The following RNF170 variants were observed in gnomAD, a reference collection of about 807,000 sequenced individuals.
RNF170 encodes ring finger protein 170.
Under a neutral mutation model 32.7 loss-of-function variants are expected in RNF170, and 12 were observed. The ratio of observed to expected loss-of-function variants is 0.37; its 90% CI spans 0.24 to 0.60. The LOEUF (loss-of-function observed/expected upper bound fraction) is 0.60, where lower values mean the gene tolerates loss of function less well. Ranked by LOEUF, RNF170 falls within the 20% of genes least tolerant of loss-of-function variation. The pLI, the probability that RNF170 is intolerant of heterozygous loss-of-function variation, is 0.72. For missense variants in RNF170, 212 were observed against 311.2 expected (o/e 0.68, Z 2.40); for synonymous variants, 91 against 103.6 (o/e 0.88, Z 0.74).
At chr8:42,862,107 G>C (rs923227495) in intron 5 of RNF170, among the ~76,000 whole-genome samples, 10 of 152,140 alleles carry the variant, frequency 6.6e-5, no homozygotes, top group South Asian at 2.1e-4. Flanking sequence ...CACACCAGGG[G>C]TAAATTCCTT....
chr8:42,860,892 ATTTTTAG>A (rs1384323866), intron 6 of RNF170, among the ~76,000 whole-genome samples: 1 of 151,700 alleles, frequency 6.6e-6, no homozygotes, highest in African/African-American at 2.4e-5. Context: ...TAATTTTTGT[ATTTTTAG>A]TAGAGACAGG....
At chr8:42,896,311 G>C (rs756731295) in intron 1 of RNF170, 173 bp downstream of exon 1, 5 of 366,842 alleles carry the variant, frequency 1.4e-5, no homozygotes, top group Non-Finnish European at 2.1e-5. Context: ...GGACAGCCGC[G>C]GGGCGATTCT....
At chr8:42,850,757 C>T (rs1166940251), downstream of RNF170, 8 of 1,551,418 alleles carry the variant, frequency 5.2e-6, no homozygotes, top group Non-Finnish European at 7.0e-6. Flanking sequence ...TTTGCACTGC[C>T]TACTTTTGGG....
chr8:42,854,323 C>T lies in RNF170; in HGVS notation c.*1836G>A. On this transcript the variant is annotated 3_prime_UTR_variant, in exon 7 of 7. Transcript: ENST00000527424. ...CTATCTAAACATTCTATGCAGGAGT[C>T]CTACTAAGAAATTTTGGTGTAATGC... The T allele has an allele frequency of 7.8e-7, 1 of 1,287,150 alleles. No homozygotes were observed. The highest frequency in any genetic ancestry group is 1.2e-5 in the South Asian group (1 of 80,932). The allele number at this position is 1,287,150 out of a possible 1,614,324, so 79.7% of individuals were successfully genotyped here. A position where few individuals can be genotyped will look rare whatever the true frequency, so the allele number is the denominator to read the frequency against.
At chr8:42,879,829 C>T (rs1399606424) in intron 2 of RNF170, among the ~76,000 whole-genome samples, 1 of 151,942 alleles carries the variant, frequency 6.6e-6, no homozygotes, top group Non-Finnish European at 1.5e-5. Flanking sequence ...TGTGTGCCAC[C>T]GTGCCTGGCT....
In RNF170 at chr8:42,896,577, C is replaced by G; in HGVS notation, c.-101G>C. 4.4e-6 allele frequency: 2 copies of G among 453,956 alleles called. No homozygotes were observed. Among genetic ancestry groups the G allele is most frequent in the Non-Finnish European group, 8.8e-6 (2 of 226,740 alleles). The allele number at this position is 453,956 out of a possible 1,614,324, so 28.1% of individuals were successfully genotyped here. A position where few individuals can be genotyped will look rare whatever the true frequency, so the allele number is the denominator to read the frequency against. ...CCCGCCACCCCTCCCGGGCAACCCA[C>G]TAGACGTCCCCTTTCTAATTTGGAG... is the stretch of plus-strand genomic sequence containing the variant. On this transcript the variant is annotated 5_prime_UTR_variant, in exon 1 of 7. Coordinates refer to ENST00000527424, the MANE Select transcript of RNF170 (RefSeq NM_030954.4).
intron 3 of RNF170, among the ~76,000 whole-genome samples, chr8:42,871,060 A>C (rs1033154086): frequency 2.0e-5 from 3 of 151,954 alleles, no homozygotes; most frequent in African/African-American, 7.3e-5. Flanking sequence ...AAATACAAAA[A>C]TTAGCTGGGC....
At chr8:42,869,389 G>A (rs1477065023) in intron 4 of RNF170, among the ~76,000 whole-genome samples, 1 of 152,146 alleles carries the variant, frequency 6.6e-6, no homozygotes, top group African/African-American at 2.4e-5. Flanking sequence ...AATAAGTGGT[G>A]GAAAGCACTC....
chr8:42,865,207 C>T (rs1452299299), intron 5 of RNF170, among the ~76,000 whole-genome samples: 2 of 150,748 alleles, frequency 1.3e-5, no homozygotes, highest in Non-Finnish European at 3.0e-5. Flanking sequence ...CAGGAAGCTA[C>T]GATCATGCCA....
At chr8:42,886,148 CG>C (rs1226463161) in intron 2 of RNF170, among the ~76,000 whole-genome samples, 1 of 151,662 alleles carries the variant, frequency 6.6e-6, no homozygotes, top group African/African-American at 2.4e-5. Context: ...GGCGTGAACC[CG>C]GGAAGTGGAG....
intron 6 of RNF170, among the ~76,000 whole-genome samples, chr8:42,856,640 C>G (rs1803264124): frequency 6.6e-6 from 1 of 152,166 alleles, no homozygotes; most frequent in South Asian, 2.1e-4. Context: ...AATTGAAAGG[C>G]AACTAAAGTG....
At chr8:42,872,570 G>A (rs1453005588) in intron 3 of RNF170, among the ~76,000 whole-genome samples, 2 of 152,086 alleles carry the variant, frequency 1.3e-5, no homozygotes, top group Non-Finnish European at 2.9e-5. Context: ...AGCCTCCCAA[G>A]TAGCTGGGAC....
intron 3 of RNF170, among the ~76,000 whole-genome samples, chr8:42,871,198 C>T (rs1042417139): frequency 1.3e-5 from 2 of 150,918 alleles, no homozygotes; most frequent in Non-Finnish European, 3.0e-5. Context: ...CAACAGAGAC[C>T]CTGTCTCAAA....
At chr8:42,881,977 C>G (rs1036537844) in intron 2 of RNF170, among the ~76,000 whole-genome samples, 1 of 152,058 alleles carries the variant, frequency 6.6e-6, no homozygotes, top group African/African-American at 2.4e-5. Flanking sequence ...GGCCACTAAC[C>G]ATGTGAAGTG....
chr8:42,894,497 G>A (rs981825922), intron 1 of RNF170, among the ~76,000 whole-genome samples: 4 of 152,312 alleles, frequency 2.6e-5, no homozygotes, highest in African/African-American at 9.6e-5. Context: ...AAGGAATGTA[G>A]GAACTCTAGT....
intron 2 of RNF170, among the ~76,000 whole-genome samples, chr8:42,887,437 T>C (rs1344692942): frequency 6.6e-6 from 1 of 152,260 alleles, no homozygotes; most frequent in Non-Finnish European, 1.5e-5. Context: ...TACAAGTTGA[T>C]GGATTTAATT....
At chr8:42,892,997 C>G (rs1489511318) in intron 1 of RNF170, among the ~76,000 whole-genome samples, 2 of 152,044 alleles carry the variant, frequency 1.3e-5, no homozygotes, top group South Asian at 2.1e-4. Context: ...AAAAAACTGC[C>G]CAGATTTGAT....
chr8:42,876,883 C>CT, intron 2 of RNF170, among the ~76,000 whole-genome samples: 1 of 151,798 alleles, frequency 6.6e-6, no homozygotes, highest in East Asian at 1.9e-4. Context: ...TCTCAATCTC[C>CT]TGACCTCATG....
chr8:42,892,911 T>TG lies in RNF170; in HGVS notation c.-8+3572dup, dbSNP rs528391967. Among the ~76,000 whole-genome samples the TG allele has an allele frequency of 2.0e-3, 305 of 152,104 alleles. 1 individual carries two copies. Among genetic ancestry groups the TG allele is most frequent in the African/African-American group, 7.1e-3 (296 of 41,500 alleles). ...CTGAGGCATGAGAATTGCTTGAACC[T>TG]GGGGGGCAGAGGTTGCAGTGAGCCA... On this transcript the variant is annotated intron_variant, in intron 1 of 6. Coordinates refer to ENST00000527424, the MANE Select transcript of RNF170 (RefSeq NM_030954.4).
Sources: allele counts gnomAD v4.1 joint callset (sites outside exome capture counted in the v4.1 genomes callset), GRCh38; gene constraint gnomAD v4.1.1; transcripts MANE v1.5; gene names NCBI Gene and HGNC (gene_info 2026-07-23, HGNC 2026-07-21).